NCOA2: variants seen among roughly 807,000 people sequenced by gnomAD.
The protein encoded by NCOA2 is class E basic helix-loop-helix protein 75.
A neutral mutation model predicts 145.1 loss-of-function variants in NCOA2; 21 were observed. The observed-to-expected ratio is 0.14, with a 90% CI of 0.10 to 0.21. The LOEUF (loss-of-function observed/expected upper bound fraction) is 0.21. NCOA2 is among the 10% of genes least tolerant of loss of function. The pLI is 1.00. For synonymous variants in NCOA2, 619 were observed against 637.5 expected (o/e 0.97, Z 0.44); for missense variants, 1,472 against 1,837.6 (o/e 0.80, Z 3.64).
chr8:70,334,500 T>C (rs1233620401), intron 1 of NCOA2, among the ~76,000 whole-genome samples: 1 of 152,194 alleles, frequency 6.6e-6, no homozygotes, highest in African/African-American at 2.4e-5. Context: ...ATCTCTCTAG[T>C]CTATGTACAA....
the NCOA2 span, among the ~76,000 whole-genome samples, chr8:70,417,586 A>C: frequency 1.3e-5 from 2 of 148,854 alleles, no homozygotes; most frequent in Non-Finnish European, 3.0e-5. Flanking sequence ...CAAACAAACA[A>C]AACTACCTTC....
chr8:70,230,374 A>G (rs945646727), intron 2 of NCOA2, among the ~76,000 whole-genome samples: 3 of 152,192 alleles, frequency 2.0e-5, no homozygotes, highest in Non-Finnish European at 4.4e-5. Flanking sequence ...GGGGTTGATA[A>G]AACTGTTCTG....
In NCOA2 at chr8:70,152,448, T is replaced by A. The variant is rs774454342; in HGVS notation, c.2394+3523A>T. Among the ~76,000 whole-genome samples, 58 of 152,220 alleles carry A rather than the reference T, an allele frequency of 3.8e-4. 1 individual carries two copies. The highest frequency in any genetic ancestry group is 7.3e-5 in the Non-Finnish European group (5 of 68,028). ...GAAATGGTAATACAATTCTACCACA[T>A]CTGGAGAGAAATTTTCAGGACACTA... is the stretch of plus-strand genomic sequence containing the variant. On this transcript the variant is annotated intron_variant, in intron 11 of 22. Transcript: ENST00000452400.
chr8:70,179,989 C>T (rs1355747928), intron 4 of NCOA2, among the ~76,000 whole-genome samples: 1 of 151,980 alleles, frequency 6.6e-6, no homozygotes, highest in Non-Finnish European at 1.5e-5. Context: ...CTCTGTTGCC[C>T]AGGCTGGTCT....
At chr8:70,440,854 G>T in the NCOA2 span, among the ~76,000 whole-genome samples, 1 of 151,078 alleles carries the variant, frequency 6.6e-6, no homozygotes, top group African/African-American at 2.4e-5. Context: ...GAGAAAGAAA[G>T]AAAGGAAGAA....
intron 12 of NCOA2, among the ~76,000 whole-genome samples, chr8:70,146,590 T>C (rs1169093988): frequency 6.6e-6 from 1 of 152,166 alleles, no homozygotes; most frequent in Admixed American, 6.5e-5. Flanking sequence ...CAGGTTGCCA[T>C]CAATAATCTG....
chr8:70,214,026 T>C lies in NCOA2; in HGVS notation c.136A>G (p.Ile46Val), dbSNP rs1310373892. Residue 46 changes from isoleucine to valine, a missense_variant, in exon 4 of 23, where the codon ATA (isoleucine) becomes GTA (valine). Physicochemically the swap from Ile to Val is conservative, Grantham distance 29. Transcript: ENST00000452400. Reference protein sequence around the residue: ...KRNREQENKYIEELAELIFAN... With the variant: ...KRNREQENKYVEELAELIFAN... ...AAAATCAACTCTGCAAGTTCTTCTA[T>C]ATATTTATTTTCCTGTTCACGATTA... 7 of 1,611,242 alleles carry C rather than the reference T, an allele frequency of 4.3e-6. No homozygotes were observed. The highest frequency in any genetic ancestry group is 5.9e-6 in the Non-Finnish European group (7 of 1,179,306).
chr8:70,136,676 T>G (rs1303192115), intron 15 of NCOA2, among the ~76,000 whole-genome samples: 3 of 152,180 alleles, frequency 2.0e-5, no homozygotes, highest in Non-Finnish European at 4.4e-5. Flanking sequence ...ATACATAAAC[T>G]GATGCTGGAT....
At chr8:70,165,891 C>T (rs1338047401) in intron 7 of NCOA2, among the ~76,000 whole-genome samples, 2 of 152,194 alleles carry the variant, frequency 1.3e-5, no homozygotes, top group Non-Finnish European at 2.9e-5. Flanking sequence ...GTGATCTTGG[C>T]TAACTGCAAC....
rs1485914990 is a variant in NCOA2 at position 70,166,807 on chromosome 8, T to C, written c.542-53A>G. On this transcript the variant is annotated intron_variant, in intron 6 of 22. Transcript: ENST00000452400. ...TACAAAGAAACAAACATCAGATTCA[T>C]TGCCTCTGAATTATTAAAATGATGT... The C allele has an allele frequency of 4.0e-6, 6 of 1,496,236 alleles. 1 individual carries two copies. In the Middle Eastern group the frequency reaches 7.2e-4, roughly 180 times the overall value. The allele number at this position is 1,496,236 out of a possible 1,614,324, so 92.7% of individuals were successfully genotyped here.
At chr8:70,425,629 C>T in the NCOA2 span, among the ~76,000 whole-genome samples, 1 of 152,206 alleles carries the variant, frequency 6.6e-6, no homozygotes, top group African/African-American at 2.4e-5. Flanking sequence ...AAATCAAATC[C>T]TCACTTTCCT....
intron 1 of NCOA2, among the ~76,000 whole-genome samples, chr8:70,333,133 T>C (rs1279290342): frequency 6.6e-6 from 1 of 152,150 alleles, no homozygotes; most frequent in Non-Finnish European, 1.5e-5. Context: ...ATCCACCCCA[T>C]TATGTAGTTG....
chr8:70,221,655 C>T (rs1016721097), intron 2 of NCOA2, among the ~76,000 whole-genome samples: 14 of 152,108 alleles, frequency 9.2e-5, no homozygotes, highest in Admixed American at 8.5e-4. Context: ...GTCGAAATTA[C>T]CCAAAGCAGA....
At chr8:70,291,678 T>A (rs1388632943) in intron 2 of NCOA2, among the ~76,000 whole-genome samples, 1 of 152,334 alleles carries the variant, frequency 6.6e-6, no homozygotes, top group Non-Finnish European at 1.5e-5. Flanking sequence ...GAGGTGCGTG[T>A]CTTCCTAAGA....
intron 22 of NCOA2, among the ~76,000 whole-genome samples, chr8:70,119,381 G>T (rs940368800): frequency 1.3e-5 from 2 of 152,170 alleles, no homozygotes; most frequent in African/African-American, 4.8e-5. Context: ...TGCCACAAAT[G>T]ACATGATTTC....
At chr8:70,300,783 T>G (rs1338950533) in intron 1 of NCOA2, among the ~76,000 whole-genome samples, 1 of 152,234 alleles carries the variant, frequency 6.6e-6, no homozygotes, top group Non-Finnish European at 1.5e-5. Context: ...ATAAGAGATG[T>G]GCCATACTTT....
chr8:70,175,178 T>A (rs1423727866), intron 4 of NCOA2, among the ~76,000 whole-genome samples: 4 of 152,224 alleles, frequency 2.6e-5, no homozygotes, highest in Non-Finnish European at 5.9e-5. Context: ...ATGGCACAAT[T>A]AATTTCTACT....
At chr8:70,233,408 T>C (rs1016013051) in intron 2 of NCOA2, among the ~76,000 whole-genome samples, 2 of 152,172 alleles carry the variant, frequency 1.3e-5, no homozygotes, top group African/African-American at 4.8e-5. Flanking sequence ...TACTGCCAAA[T>C]GAATTACAAA....
intron 22 of NCOA2, among the ~76,000 whole-genome samples, chr8:70,119,142 C>A (rs771066089): frequency 4.3e-5 from 6 of 140,274 alleles, no homozygotes; most frequent in Non-Finnish European, 9.0e-5. Context: ...TGCTACTCTG[C>A]TAACATTACA....
Sources: gnomAD v4.1 joint callset for allele counts (sites outside exome capture counted in the v4.1 genomes callset) on GRCh38, gnomAD v4.1.1 for gene constraint, MANE v1.5 for transcripts, NCBI Gene and HGNC (gene_info 2026-07-23, HGNC 2026-07-21) for gene names.